The following WDR36 variants were observed in gnomAD, a reference collection of about 807,000 sequenced individuals.
The protein encoded by WDR36 is WD repeat domain 36.
WDR36 carries 63 observed loss-of-function variants against 112.7 expected under a neutral mutation model. The observed-to-expected ratio is 0.56, with a 90% CI of 0.46 to 0.69. WDR36 has a LOEUF of 0.69. Ranked by LOEUF, WDR36 falls within the 30% of genes least tolerant of loss-of-function variation. The pLI is 0.00. For synonymous variants in WDR36, 410 were observed against 362.2 expected, an observed-to-expected ratio of 1.13 and a Z score of -1.50; for missense variants, 1,226 against 1,070.3, an observed-to-expected ratio of 1.15 and a Z score of -2.03.
intron 3 of WDR36, among the ~76,000 whole-genome samples, 180 bp downstream of exon 3, chr5:111,097,359 C>T (rs1276730476): frequency 1.3e-5 from 2 of 152,182 alleles, no homozygotes; most frequent in African/African-American, 4.8e-5. Flanking sequence ...TTACTTAAAA[C>T]TGGTGCTTTA....
In WDR36 at chr5:111,129,787, A is replaced by G. The variant is rs553883044; in HGVS notation, c.*2904A>G. On this transcript the variant is annotated 3_prime_UTR_variant, in exon 23 of 23. Coordinates refer to ENST00000513710, the MANE Select transcript of WDR36 (RefSeq NM_139281.3). The stretch of plus-strand genomic sequence containing the variant: ...AGACATTTACAGTGTATGTTTTCCT[A>G]TGTTTACATGTGCTCATTTCACGTC... 1.6e-4 allele frequency: 32 copies of G among 203,152 alleles called. No homozygotes were observed. The highest frequency in any genetic ancestry group is 6.9e-4 in the East Asian group (9 of 13,082). The allele number at this position is 203,152 out of a possible 1,614,324, so 12.6% of individuals were successfully genotyped here.
At position 111,128,425 on chromosome 5, in the gene WDR36, A is replaced by T. The variant is rs1183290295; in HGVS notation, c.*1542A>T. On this transcript the variant is annotated 3_prime_UTR_variant, in exon 23 of 23. Coordinates refer to ENST00000513710, the MANE Select transcript of WDR36 (RefSeq NM_139281.3). ...TTTAGAAATGTGTATTGACTTATTAAAGCCACTGACAGAAATGTTAATCAT... is the reference window on the plus strand; with the variant it reads ...TTTAGAAATGTGTATTGACTTATTATAGCCACTGACAGAAATGTTAATCAT... The T allele has an allele frequency of 1.1e-5, 2 of 182,174 alleles. No individual in the cohort carries two copies. The highest frequency in any genetic ancestry group is 2.3e-5 in the Non-Finnish European group (2 of 85,406). The allele number at this position is 182,174 out of a possible 1,614,324, so 11.3% of individuals were successfully genotyped here. A position where few individuals can be genotyped will look rare whatever the true frequency, so the allele number is the denominator to read the frequency against.
intron 18 of WDR36, 88 bp downstream of exon 18, chr5:111,120,681 C>T (rs915095710): frequency 2.8e-6 from 3 of 1,078,084 alleles, no homozygotes; most frequent in Admixed American, 3.4e-5. Context: ...AAGTTTAGTG[C>T]ATTCAATCAA....
chr5:111,114,123 A>G (rs1731876295), intron 16 of WDR36, among the ~76,000 whole-genome samples: 1 of 152,190 alleles, frequency 6.6e-6, no homozygotes, highest in Admixed American at 6.5e-5. Context: ...TTAAAGAGAA[A>G]GTGGTATGAA....
chr5:111,113,052 A>ATATATATATATTTTT lies in WDR36; in HGVS notation c.1717-21_1717-20insATATATATATTTTTT, dbSNP rs35527062. 1.0e-4 allele frequency: 48 copies of ATATATATATATTTTT among 473,606 alleles called. No homozygotes were observed. In the African/African-American group the frequency reaches 1.2e-3, roughly 12 times the overall value. 29.3% of individuals were successfully genotyped at this position (473,606 alleles called of 1,614,324 possible). On this transcript the variant is annotated intron_variant, in intron 15 of 22. Transcript: ENST00000513710. ...ATATAAATAATATATATATATATAT[A>ATATATATATATTTTT]TTTTTTTTTTTTAATTTAAAGGCTT...
intron 22 of WDR36, 112 bp downstream of exon 22, chr5:111,125,907 A>G (rs914375883): frequency 1.9e-6 from 2 of 1,076,696 alleles, no homozygotes; most frequent in African/African-American, 1.6e-5. Context: ...TTCCAGTATC[A>G]TAGCCACTTG....
At position 111,092,586 on chromosome 5, in the gene WDR36, A is replaced by G. The variant is rs1462215453; in HGVS notation, c.130A>G (p.Thr44Ala). Residue 44 changes from threonine (T) to alanine (A), a missense_variant, in exon 1 of 23, where the codon ACC becomes GCC. Thr to Ala is a moderately conservative substitution (Grantham distance 58). Transcript: ENST00000513710. The part of the protein sequence containing the change: ...SALKRRFYVT[T>A]CVGKSFHTYD... ...GCTCAAGCGCCGGTTCTATGTAACA[A>G]CCTGCGTGGGCAAGAGTTTCCACAC... 1.2e-6 allele frequency: 2 copies of G among 1,613,928 alleles called. No individual in the cohort carries two copies. Among genetic ancestry groups the G allele is most frequent in the African/African-American group, 1.3e-5 (1 of 74,950 alleles).
chr5:111,114,021 T>C (rs1753404945), intron 16 of WDR36, among the ~76,000 whole-genome samples: 1 of 152,126 alleles, frequency 6.6e-6, no homozygotes. Context: ...TATCTTAAAG[T>C]GGTGAAAATG....
In WDR36 at chr5:111,097,306, G is replaced by A. The variant is rs1580390111; in HGVS notation, c.291+127G>A. The stretch of plus-strand genomic sequence containing the variant: ...TATACAGTATTCTTTTTTTTCTAAT[G>A]TATATTCAGTTTTCTGGAGGAAGAT... On this transcript the variant is annotated intron_variant, in intron 3 of 22. Coordinates refer to ENST00000513710, the MANE Select transcript of WDR36 (RefSeq NM_139281.3). 4.3e-6 allele frequency: 3 copies of A among 702,238 alleles called. No individual in the cohort carries two copies. The South Asian group carries it at 4.8e-5, about 11-fold the overall frequency. 43.5% of individuals were successfully genotyped at this position (702,238 alleles called of 1,614,324 possible).
At chr5:111,120,694 T>A in intron 18 of WDR36, 101 bp downstream of exon 18, 1 of 1,005,968 alleles carries the variant, frequency 9.9e-7, no homozygotes, top group South Asian at 1.3e-5. Flanking sequence ...TCAATCAAAG[T>A]GTTTTTTAAC....
rs1016964234 is a variant in WDR36, at chr5:111,111,020, A to G, written c.1607+67A>G. The G allele has an allele frequency of 8.7e-5, 138 of 1,589,938 alleles. No individual in the cohort carries two copies. The African/African-American group carries it at 1.8e-3, about 20-fold the overall frequency. ...GGTAAAAGTCATAAAGTCACAATTT[A>G]CCAAGTGGGAAAAATCAGACTCTTT... On this transcript the variant is annotated intron_variant, in intron 14 of 22. Transcript: ENST00000513710.
Position 111,100,496 on chromosome 5 carries a change from A to G in WDR36, c.410-93A>G, listed in dbSNP as rs904286908. Reference sequence around the variant, plus strand: ...GTTTATTTTAACATATAAATCTTTGATGTGATAGACTTACTTTAAGTGATA... The same window carrying G: ...GTTTATTTTAACATATAAATCTTTGGTGTGATAGACTTACTTTAAGTGATA... On this transcript the variant is annotated intron_variant, in intron 4 of 22. Transcript: ENST00000513710. 6 of 814,508 alleles carry G rather than the reference A, an allele frequency of 7.4e-6. No individual in the cohort carries two copies. The African/African-American group carries it at 1.1e-4, about 14-fold the overall frequency. The allele number at this position is 814,508 out of a possible 1,614,324, so 50.5% of individuals were successfully genotyped here. A position where few individuals can be genotyped will look rare whatever the true frequency, so the allele number is the denominator to read the frequency against.
intron 16 of WDR36, among the ~76,000 whole-genome samples, chr5:111,117,442 A>G (rs1753476472): frequency 6.6e-6 from 1 of 152,148 alleles, no homozygotes; most frequent in Non-Finnish European, 1.5e-5. Flanking sequence ...CCCATGAATC[A>G]CTGATGTAGG....
chr5:111,119,445 A>G (rs1753521808), intron 17 of WDR36, among the ~76,000 whole-genome samples: 1 of 152,200 alleles, frequency 6.6e-6, no homozygotes, highest in South Asian at 2.1e-4. Flanking sequence ...CCAGTATCCC[A>G]CAACTACTTT....
chr5:111,128,824 C>T lies in WDR36; in HGVS notation c.*1941C>T, dbSNP rs1753729202. ...ATATATCAATCTGTGCACACTCTTT[C>T]AGTTTTTTAATTACTCATGTAATAT... On this transcript the variant is annotated 3_prime_UTR_variant, in exon 23 of 23. Transcript: ENST00000513710. 5.4e-6 allele frequency: 1 copy of T among 185,256 alleles called. No homozygotes were observed. The allele number at this position is 185,256 out of a possible 1,614,324, so 11.5% of individuals were successfully genotyped here. A position where few individuals can be genotyped will look rare whatever the true frequency, so the allele number is the denominator to read the frequency against.
chr5:111,097,082 A>T lies in WDR36; in HGVS notation c.194A>T (p.Asn65Ile). ...TTCATTTTGTATTTTCTGCTAGGTA[A>T]TTCTGTTCCACAGGATATCTGCTGT... ...VQKLSLVAVS[N>I]SVPQDICCMA... Residue 65 changes from asparagine (N) to isoleucine (I), a missense_variant, in exon 3 of 23, where the codon AAT becomes ATT. Physicochemically the swap from Asn to Ile is moderately radical, Grantham distance 149. Coordinates refer to ENST00000513710, the MANE Select transcript of WDR36 (RefSeq NM_139281.3). The T allele has an allele frequency of 6.2e-7, 1 of 1,611,970 alleles. No homozygotes were observed.
chr5:111,112,337 A>C (rs948089941), intron 15 of WDR36, among the ~76,000 whole-genome samples: 6 of 151,950 alleles, frequency 3.9e-5, no homozygotes, highest in Non-Finnish European at 8.8e-5. Flanking sequence ...ATCCTTTACT[A>C]TCTGTACCAC....
In WDR36 at chr5:111,092,402, G is replaced by A; in HGVS notation, c.-55G>A. The A allele has an allele frequency of 1.2e-6, 2 of 1,614,246 alleles. No homozygotes were observed. Among genetic ancestry groups the A allele is most frequent in the Non-Finnish European group, 1.7e-6 (2 of 1,180,046 alleles). The stretch of plus-strand genomic sequence containing the variant: ...TTCCACTAGACACGCTGAAGGGACT[G>A]GGTACGTGTTTTCCTTCAGGACCAG... On this transcript the variant is annotated 5_prime_UTR_variant, in exon 1 of 23. Transcript: ENST00000513710.
chr5:111,128,894 C>A lies in WDR36; in HGVS notation c.*2011C>A, dbSNP rs1371646795. 2.1e-5 allele frequency: 4 copies of A among 191,976 alleles called. No individual in the cohort carries two copies. The highest frequency in any genetic ancestry group is 9.3e-5 in the African/African-American group (4 of 43,044). 11.9% of individuals were successfully genotyped at this position (191,976 alleles called of 1,614,324 possible). ...GTGCTTTTTGAAAACCATCTTCAGT[C>A]CCAATATCCTCTGTAGAAGTAATAG... is the stretch of plus-strand genomic sequence containing the variant. On this transcript the variant is annotated 3_prime_UTR_variant, in exon 23 of 23. Transcript: ENST00000513710.
Sources: allele counts gnomAD v4.1 joint callset (sites outside exome capture counted in the v4.1 genomes callset), GRCh38; gene constraint gnomAD v4.1.1; transcripts MANE v1.5; gene names NCBI Gene and HGNC (gene_info 2026-07-23, HGNC 2026-07-21).